Variants in ATP8A2 observed in about 807,000 individuals in gnomAD.
ATP8A2 encodes ATPase phospholipid transporting 8A2.
In ATP8A2, 100 loss-of-function variants were observed where a neutral mutation model predicts 165.6. That is an observed-to-expected ratio of 0.60 (90% confidence interval 0.51 to 0.71). The LOEUF (loss-of-function observed/expected upper bound fraction) is 0.71, where lower values mean the gene tolerates loss of function less well. Among genes scored for constraint, ATP8A2 ranks in the 30% least tolerant of loss-of-function variants. ATP8A2 has a pLI of 0.00. For synonymous variants in ATP8A2, 543 were observed against 548.8 expected, an observed-to-expected ratio of 0.99 and a Z score of 0.15; for missense variants, 1,227 against 1,479.5, an observed-to-expected ratio of 0.83 and a Z score of 2.80.
intron 1 of ATP8A2, among the ~76,000 whole-genome samples, chr13:25,400,115 G>A (rs138019109): frequency 9.3e-4 from 142 of 152,136 alleles, no homozygotes; most frequent in Non-Finnish European, 1.7e-3. Context: ...TAGAGATAGG[G>A]TCTTCCTATG....
chr13:25,471,865 G>T (rs74042963), intron 2 of ATP8A2, among the ~76,000 whole-genome samples: 12,969 of 152,212 alleles, frequency 0.085, 888 homozygotes, highest in African/African-American at 0.19. Flanking sequence ...CTATTGTATT[G>T]AAAGCTTTAT....
chr13:25,876,297 A>G (rs976629129), intron 33 of ATP8A2, among the ~76,000 whole-genome samples: 1 of 152,232 alleles, frequency 6.6e-6, no homozygotes, highest in Non-Finnish European at 1.5e-5. Context: ...GTATTACAAG[A>G]GAAGAAAAGT....
intron 27 of ATP8A2, among the ~76,000 whole-genome samples, chr13:25,790,704 A>T (rs1413871264): frequency 6.6e-6 from 1 of 151,994 alleles, no homozygotes; most frequent in Non-Finnish European, 1.5e-5. Context: ...AAAAAAAAAA[A>T]AAAAATAAGC....
At chr13:25,470,271 A>C (rs535771640) in intron 2 of ATP8A2, among the ~76,000 whole-genome samples, 2 of 152,286 alleles carry the variant, frequency 1.3e-5, no homozygotes, top group East Asian at 3.9e-4. Context: ...GGTTTTAAGA[A>C]TGACAGTTGG....
At chr13:26,013,367 A>G (rs1593716009) in intron 36 of ATP8A2, among the ~76,000 whole-genome samples, 1 of 152,262 alleles carries the variant, frequency 6.6e-6, no homozygotes, top group East Asian at 1.9e-4. Flanking sequence ...TTTAGAGGGA[A>G]ACGACTGGTA....
chr13:25,797,782 A>G (rs1460066720), intron 27 of ATP8A2, among the ~76,000 whole-genome samples: 2 of 152,164 alleles, frequency 1.3e-5, no homozygotes, highest in Non-Finnish European at 2.9e-5. Context: ...ATTACTCATA[A>G]TGGCACTTTT....
At position 25,886,439 on chromosome 13, in the gene ATP8A2, T is replaced by C. The variant is rs1593505114; in HGVS notation, c.3183+24031T>C. The stretch of plus-strand genomic sequence containing the variant: ...AGAAGGGAGGTGTGCCTCTGCTTTA[T>C]GGACAATGCCTGGCAAATGCTGCCC... On this transcript the variant is annotated intron_variant, in intron 33 of 36. Transcript: ENST00000381655. Among the ~76,000 whole-genome samples the C allele has an allele frequency of 2.0e-5, 3 of 152,326 alleles. No homozygotes were observed. The East Asian group carries it at 5.8e-4, about 29-fold the overall frequency.
At chr13:25,629,084 G>T (rs565258344) in intron 24 of ATP8A2, among the ~76,000 whole-genome samples, 5 of 152,128 alleles carry the variant, frequency 3.3e-5, no homozygotes, top group Non-Finnish European at 7.4e-5. Context: ...TTTATTCTCT[G>T]ACTTGCCTGT....
At position 25,594,726 on chromosome 13, in the gene ATP8A2, G is replaced by A. The variant is rs149852133; in HGVS notation, c.2211+5027G>A. On this transcript the variant is annotated intron_variant, in intron 24 of 36. Coordinates refer to ENST00000381655, the MANE Select transcript of ATP8A2 (RefSeq NM_016529.6). ...AATAATAGTCTCCAATCTCATCCAG[G>A]TCACTGTGGGAATGTAAACTAGTAC... Among the ~76,000 whole-genome samples, 684 of 152,192 alleles carry A rather than the reference G, an allele frequency of 4.5e-3. 3 individuals are homozygous for A. The highest frequency in any genetic ancestry group is 0.016 in the African/African-American group (654 of 41,506).
At chr13:25,740,207 G>A (rs1321549691) in intron 25 of ATP8A2, among the ~76,000 whole-genome samples, 1 of 151,798 alleles carries the variant, frequency 6.6e-6, no homozygotes, top group Non-Finnish European at 1.5e-5. Context: ...TTCTCAGGAG[G>A]CTGAGGCAGG....
At chr13:25,872,952 C>T (rs910388637) in intron 33 of ATP8A2, among the ~76,000 whole-genome samples, 1 of 151,712 alleles carries the variant, frequency 6.6e-6, no homozygotes, top group African/African-American at 2.4e-5. Context: ...TTGTAACTAC[C>T]GCACATCTTA....
At chr13:25,390,822 C>G (rs1367630860) in intron 1 of ATP8A2, among the ~76,000 whole-genome samples, 1 of 151,604 alleles carries the variant, frequency 6.6e-6, no homozygotes, top group Non-Finnish European at 1.5e-5. Context: ...CCCAGCTACT[C>G]AGGGAGACAG....
chr13:25,898,198 G>A (rs553052727), intron 33 of ATP8A2, among the ~76,000 whole-genome samples: 2 of 152,214 alleles, frequency 1.3e-5, no homozygotes, highest in African/African-American at 4.8e-5. Flanking sequence ...CTACAGATGG[G>A]ATTTTGGTGT....
At chr13:25,429,274 G>T (rs1205295443) in intron 1 of ATP8A2, among the ~76,000 whole-genome samples, 6 of 151,554 alleles carry the variant, frequency 4.0e-5, no homozygotes, top group Non-Finnish European at 5.9e-5. Flanking sequence ...GGAGGCTGAG[G>T]CAGGAGAATT....
intron 8 of ATP8A2, among the ~76,000 whole-genome samples, chr13:25,540,596 G>A (rs1028841044): frequency 2.0e-5 from 3 of 152,164 alleles, no homozygotes; most frequent in Non-Finnish European, 4.4e-5. Flanking sequence ...GTCATGCAGG[G>A]TGCCAGGCCT....
chr13:25,581,689 A>G lies in ATP8A2; in HGVS notation c.2008-130A>G. The G allele has an allele frequency of 7.8e-6, 7 of 902,336 alleles. No homozygotes were observed. In the South Asian group the frequency reaches 1.0e-4, roughly 13 times the overall value. The allele number at this position is 902,336 out of a possible 1,614,324, so 55.9% of individuals were successfully genotyped here. ...CCATCCATCCAGATGCCATCTGTAGACACAAGTATAAAATAGAGGAAATAG... is the reference window on the plus strand; with the variant it reads ...CCATCCATCCAGATGCCATCTGTAGGCACAAGTATAAAATAGAGGAAATAG... On this transcript the variant is annotated intron_variant, in intron 22 of 36. Transcript: ENST00000381655.
intron 24 of ATP8A2, among the ~76,000 whole-genome samples, chr13:25,619,710 AAGT>A (rs2040920616): frequency 1.3e-5 from 2 of 152,230 alleles, no homozygotes; most frequent in South Asian, 4.1e-4. Flanking sequence ...AGAATTAGGG[AAGT>A]AGTAGGTAAA....
intron 1 of ATP8A2, among the ~76,000 whole-genome samples, chr13:25,438,168 C>T (rs979324200): frequency 3.9e-5 from 6 of 152,050 alleles, no homozygotes; most frequent in African/African-American, 1.4e-4. Flanking sequence ...GAGGAAGGGT[C>T]TGGGTAGGAG....
intron 1 of ATP8A2, 90 bp from the exon 2 acceptor site, chr13:25,468,887 G>A (rs1231039364): frequency 1.3e-6 from 2 of 1,562,874 alleles, no homozygotes; most frequent in Non-Finnish European, 1.7e-6. Flanking sequence ...CCCCGCCGGT[G>A]GCCGCCCGCC....
Sources: gnomAD v4.1 joint callset for allele counts (sites outside exome capture counted in the v4.1 genomes callset) on GRCh38, gnomAD v4.1.1 for gene constraint, MANE v1.5 for transcripts, NCBI Gene and HGNC (gene_info 2026-07-23, HGNC 2026-07-21) for gene names.